Variants in REC8 observed in about 807,000 individuals in gnomAD.
The protein encoded by REC8 is REC8 meiotic recombination protein.
A neutral mutation model predicts 78.3 loss-of-function variants in REC8; 42 were observed. The ratio of observed to expected loss-of-function variants is 0.54; its 90% confidence interval spans 0.42 to 0.69. The LOEUF is 0.69. REC8 is among the 30% of genes least tolerant of loss of function. The pLI is 0.00. For synonymous variants in REC8, 268 were observed against 274.1 expected, an observed-to-expected ratio of 0.98 and a Z score of 0.22; for missense variants, 581 against 715.8, an observed-to-expected ratio of 0.81 and a Z score of 2.15.
At position 24,172,509 on chromosome 14, in the gene REC8, G is replaced by A. The variant is rs2038710342; in HGVS notation, c.-44G>A. ...CCCTAAAGAATTCCGACTCAGATCCGAACGGGGATCTGGTGGAATCGAGGG... is the reference window on the plus strand; with the variant it reads ...CCCTAAAGAATTCCGACTCAGATCCAAACGGGGATCTGGTGGAATCGAGGG... On this transcript the variant is annotated 5_prime_UTR_variant, in exon 1 of 19. Transcript: ENST00000611366. 1 of 1,581,016 alleles carries A rather than the reference G, an allele frequency of 6.3e-7. No homozygotes were observed. Among genetic ancestry groups the A allele is most frequent in the East Asian group, 2.3e-5 (1 of 44,288 alleles).
intron 6 of REC8, among the ~76,000 whole-genome samples, chr14:24,176,069 CCTT>C (rs971805088): frequency 9.4e-5 from 14 of 148,268 alleles, no homozygotes; most frequent in African/African-American, 1.7e-4. Context: ...GATTTCTTAT[CCTT>C]TTTTTTTTTT....
At position 24,175,167 on chromosome 14, in the gene REC8, G is replaced by A. The variant is rs1016491968; in HGVS notation, c.463-376G>A. 2.6e-5 allele frequency among the ~76,000 whole-genome samples: 4 copies of A among 151,830 alleles called. No homozygotes were observed. In the East Asian group the frequency reaches 5.8e-4, roughly 22 times the overall value. On this transcript the variant is annotated intron_variant, in intron 5 of 18. Coordinates refer to ENST00000611366, the MANE Select transcript of REC8 (RefSeq NM_001048205.2). ...AATTACAGGCACTGCTACCAAGCCCGGCTAATTTTTGTATTTTTAGTAGAA... is the reference window on the plus strand; with the variant it reads ...AATTACAGGCACTGCTACCAAGCCCAGCTAATTTTTGTATTTTTAGTAGAA...
chr14:24,180,812 G>A, downstream of REC8: 1 of 1,559,740 alleles, frequency 6.4e-7, no homozygotes. Context: ...CCAGGTCTAG[G>A]AGGGTGGTCA....
Position 24,177,975 on chromosome 14 carries a change from A to G in REC8, c.865-116A>G, listed in dbSNP as rs1594422794. 7.2e-6 allele frequency: 11 copies of G among 1,520,650 alleles called. No individual in the cohort carries two copies. The East Asian group carries it at 2.5e-4, about 35-fold the overall frequency. 94.2% of individuals were successfully genotyped at this position (1,520,650 alleles called of 1,614,324 possible). A position where few individuals can be genotyped will look rare whatever the true frequency, so the allele number is the denominator to read the frequency against. ...GCTCAAGTGCATGGAGACCCCGCACAAGCCCTCTCCAGGTTCCTCTAGGGG... is the reference window on the plus strand; with the variant it reads ...GCTCAAGTGCATGGAGACCCCGCACGAGCCCTCTCCAGGTTCCTCTAGGGG... On this transcript the variant is annotated intron_variant, in intron 11 of 18. Coordinates refer to ENST00000611366, the MANE Select transcript of REC8 (RefSeq NM_001048205.2).
In REC8 at chr14:24,180,146, C is replaced by A; in HGVS notation, c.*51C>A. On this transcript the variant is annotated 3_prime_UTR_variant, in exon 19 of 19. Coordinates refer to ENST00000611366, the MANE Select transcript of REC8 (RefSeq NM_001048205.2). ...CAGGAAACCGGCCACTTCTAGTAAA[C>A]CACGTCGTGCCTCACTGGGTCCTGC... The A allele has an allele frequency of 2.5e-6, 4 of 1,614,076 alleles. No homozygotes were observed. The highest frequency in any genetic ancestry group is 3.4e-6 in the Non-Finnish European group (4 of 1,180,010).
chr14:24,179,866 C>A lies in REC8; in HGVS notation c.1518C>A (p.Ser506Arg), dbSNP rs1386906058. Residue 506 changes from serine to arginine, a missense_variant, in exon 18 of 19, where the codon AGC becomes AGA. Physicochemically the swap from Ser to Arg is moderately radical, Grantham distance 110. Coordinates refer to ENST00000611366, the MANE Select transcript of REC8 (RefSeq NM_001048205.2). ...PDFSSLVSPL[S>R]PRRMAARVFY... ...TCAGCAGCCTGGTGTCACCTCTCAGCCCCCGCAGGATGGCTGCCCGGGTCT... is the reference window on the plus strand; with the variant it reads ...TCAGCAGCCTGGTGTCACCTCTCAGACCCCGCAGGATGGCTGCCCGGGTCT... The A allele has an allele frequency of 1.2e-6, 2 of 1,613,556 alleles. No homozygotes were observed. The highest frequency in any genetic ancestry group is 3.3e-5 in the Admixed American group (2 of 59,974).
intron 7 of REC8, 68 bp from the exon 8 acceptor site, chr14:24,177,073 C>A (rs1262412848): frequency 1.3e-6 from 2 of 1,495,200 alleles, no homozygotes; most frequent in African/African-American, 2.8e-5. Context: ...GATCCACTCT[C>A]CTGGATCCAC....
At chr14:24,180,891 A>G (rs1183360165), downstream of REC8, 3 of 658,338 alleles carry the variant, frequency 4.6e-6, no homozygotes, top group East Asian at 5.5e-5. Context: ...CAGGCATCCA[A>G]GACAACTATG....
chr14:24,173,592 G>C (rs1368339348), intron 5 of REC8, among the ~76,000 whole-genome samples, 181 bp downstream of exon 5: 4 of 152,184 alleles, frequency 2.6e-5, no homozygotes, highest in Non-Finnish European at 2.9e-5. Flanking sequence ...TACCTACTCA[G>C]GGCCAATCTG....
At chr14:24,180,704 T>C (rs1386655434), downstream of REC8, 1 of 1,614,142 alleles carries the variant, frequency 6.2e-7, no homozygotes, top group East Asian at 2.2e-5. Context: ...GGGATCTTGT[T>C]GTCAGCCAGA....
rs1358683052 is a variant in REC8 at position 24,175,572 on chromosome 14, AG to A, written c.493del (p.Glu165ArgfsTer60). Reference protein sequence around the residue: ...IRHLLEAAIPERVEEIPPEVP... With the variant: ...IRHLLEAAIPXRVEEIPPEVP... ...GACACCTCTTAGAGGCTGCAATCCC[AG>A]AGAGAGTTGAAGAGATCCCTCCTGA... On this transcript the variant is annotated frameshift_variant, in exon 6 of 19. Transcript: ENST00000611366. LOFTEE classifies it high-confidence loss of function. The A allele has an allele frequency of 2.5e-6, 4 of 1,614,064 alleles. No individual in the cohort carries two copies. Among genetic ancestry groups the A allele is most frequent in the Non-Finnish European group, 3.4e-6 (4 of 1,179,940 alleles).
Position 24,172,381 on chromosome 14 carries a change from C to G in REC8, c.-172C>G. The G allele has an allele frequency of 1.6e-6, 1 of 621,332 alleles. No homozygotes were observed. The highest frequency in any genetic ancestry group is 2.0e-5 in the South Asian group (1 of 49,992). 38.5% of individuals were successfully genotyped at this position (621,332 alleles called of 1,614,324 possible). On this transcript the variant is annotated 5_prime_UTR_variant, in exon 1 of 19. Coordinates refer to ENST00000611366, the MANE Select transcript of REC8 (RefSeq NM_001048205.2). ...AGTTATCCTGGTAATTGTGTATCTG[C>G]CCATTGTTCGTTGCCTCATTAACTT...
chr14:24,179,724 C>T lies in REC8; in HGVS notation c.1449C>T (p.His483=). The change falls in exon 17 of 19, where the codon CAC becomes CAT. Residue 483 remains histidine, a splice_region_variant and synonymous_variant. Transcript: ENST00000611366. ...AGCTGCTCTCACTGGAAGCAGTGCA[C>T]AGGTACCAGGGAGGTGGCACCTTGA... The part of the protein sequence containing the change: ...ELELLSLEAV[H]RAVALELQAN... The T allele has an allele frequency of 6.2e-7, 1 of 1,614,234 alleles. No homozygotes were observed. The highest frequency in any genetic ancestry group is 1.3e-5 in the African/African-American group (1 of 75,060).
At chr14:24,177,249 C>T (rs770805697) in intron 8 of REC8, 27 bp downstream of exon 8, 59 of 1,612,410 alleles carry the variant, frequency 3.7e-5, no homozygotes, top group Non-Finnish European at 3.3e-5. Context: ...GCGTAGGGCC[C>T]GCCTGGAGCT....
At chr14:24,174,159 G>A (rs976458765) in intron 5 of REC8, among the ~76,000 whole-genome samples, 1 of 152,052 alleles carries the variant, frequency 6.6e-6, no homozygotes, top group African/African-American at 2.4e-5. Flanking sequence ...CACAGAGCCC[G>A]GCCCAATTTT....
chr14:24,180,577 G>A (rs2039116692), downstream of REC8: 2 of 1,613,376 alleles, frequency 1.2e-6, no homozygotes, highest in African/African-American at 1.3e-5. Flanking sequence ...TGGTGTCTGG[G>A]TGGAGAGGGA....
chr14:24,177,904 C>G (rs1264225844), intron 11 of REC8, 146 bp downstream of exon 11: 1 of 1,479,274 alleles, frequency 6.8e-7, no homozygotes, highest in African/African-American at 1.4e-5. Context: ...CCCATCGTAT[C>G]TGGCCTACGC....
intron 5 of REC8, 21 bp from the exon 6 acceptor site, chr14:24,175,522 G>A (rs1213917371): frequency 3.7e-6 from 6 of 1,601,566 alleles, no homozygotes; most frequent in South Asian, 1.1e-5. Flanking sequence ...CCTATCTTTT[G>A]TTTCCAATCC....
chr14:24,180,008 A>T lies in REC8; in HGVS notation c.1559-2A>T, dbSNP rs1286966716. On this transcript the variant is annotated splice_acceptor_variant, in intron 18 of 18. Coordinates refer to ENST00000611366, the MANE Select transcript of REC8 (RefSeq NM_001048205.2). LOFTEE classifies it high-confidence loss of function. ...CCTGCCCTCTCCTCGCCTCTTGACC[A>T]GTGCTCTCAGCGCAACAGATTCTTC... 6.2e-7 allele frequency: 1 copy of T among 1,614,010 alleles called. No homozygotes were observed. The highest frequency in any genetic ancestry group is 8.5e-7 in the Non-Finnish European group (1 of 1,180,022).
Sources: gnomAD v4.1 joint callset for allele counts (sites outside exome capture counted in the v4.1 genomes callset) on GRCh38, gnomAD v4.1.1 for gene constraint, MANE v1.5 for transcripts, NCBI Gene and HGNC (gene_info 2026-07-23, HGNC 2026-07-21) for gene names.